Variants in TRAM1 observed in about 807,000 individuals in gnomAD.
TRAM1 encodes translocating chain-associated membrane protein 1.
TRAM1 carries 17 observed loss-of-function variants against 48.7 expected under a neutral mutation model. The observed-to-expected ratio is 0.35, with a 90% CI of 0.24 to 0.52. TRAM1 has a LOEUF of 0.52. TRAM1 is among the 20% of genes least tolerant of loss of function. TRAM1 has a pLI of 0.94. For synonymous variants in TRAM1, 182 were observed against 154.0 expected (o/e 1.18, Z -1.34); for missense variants, 351 against 441.5 (o/e 0.79, Z 1.84).
chr8:70,596,967 T>G (rs557790277), intron 4 of TRAM1, among the ~76,000 whole-genome samples: 2 of 152,220 alleles, frequency 1.3e-5, no homozygotes, highest in South Asian at 4.1e-4. Flanking sequence ...CTATAAAGTA[T>G]TATTAAAGCA....
intron 1 of TRAM1, among the ~76,000 whole-genome samples, chr8:70,600,428 T>A (rs1305499513): frequency 6.6e-6 from 1 of 152,120 alleles, no homozygotes; most frequent in Non-Finnish European, 1.5e-5. Context: ...AAATTTCAAG[T>A]GTAAATTAAT....
chr8:70,587,883 G>C (rs934954028), intron 6 of TRAM1, among the ~76,000 whole-genome samples: 1 of 151,930 alleles, frequency 6.6e-6, no homozygotes, highest in Non-Finnish European at 1.5e-5. Flanking sequence ...AGTTGAGCTG[G>C]TTATCTCAGA....
At chr8:70,606,334 G>T (rs28668160) in intron 1 of TRAM1, among the ~76,000 whole-genome samples, 2 of 152,082 alleles carry the variant, frequency 1.3e-5, no homozygotes, top group African/African-American at 4.8e-5. Context: ...GACCACAGGT[G>T]CGTGCTATCT....
rs1298219062 is a variant in TRAM1 at position 70,608,372 on chromosome 8, G to GT, written c.-174_-173insA. 11 of 501,730 alleles carry GT rather than the reference G, an allele frequency of 2.2e-5. No individual in the cohort carries two copies. The highest frequency in any genetic ancestry group is 9.2e-5 in the East Asian group (2 of 21,630). The allele number at this position is 501,730 out of a possible 1,614,324, so 31.1% of individuals were successfully genotyped here. A position where few individuals can be genotyped will look rare whatever the true frequency, so the allele number is the denominator to read the frequency against. The stretch of plus-strand genomic sequence containing the variant: ...GTACGCAGCCGCCGGGCCGCCCGGG[G>GT]GAAAAAAAAAAACACAACAGCTAGC... On this transcript the variant is annotated 5_prime_UTR_variant, in exon 1 of 11. Coordinates refer to ENST00000262213, the MANE Select transcript of TRAM1 (RefSeq NM_014294.6).
chr8:70,599,959 T>G, intron 2 of TRAM1, 60 bp downstream of exon 2: 1 of 1,388,840 alleles, frequency 7.2e-7, no homozygotes, highest in Non-Finnish European at 1.0e-6. Flanking sequence ...CATGAAAATT[T>G]CCAAGTTTGT....
At chr8:70,597,757 T>A in intron 4 of TRAM1, 138 bp downstream of exon 4, 1 of 404,156 alleles carries the variant, frequency 2.5e-6, no homozygotes. Flanking sequence ...ACAGTAAACA[T>A]AGTTTAGAAT....
chr8:70,576,346 G>A (rs1283612528), intron 10 of TRAM1, among the ~76,000 whole-genome samples: 1 of 152,056 alleles, frequency 6.6e-6, no homozygotes, highest in Non-Finnish European at 1.5e-5. Context: ...GACAAATGTT[G>A]GTTTTGACTG....
chr8:70,586,119 T>A (rs1191999890), intron 8 of TRAM1, among the ~76,000 whole-genome samples: 1 of 151,862 alleles, frequency 6.6e-6, no homozygotes. Flanking sequence ...TCATGTCCTT[T>A]GCAGGGACAT....
At position 70,607,968 on chromosome 8, in the gene TRAM1, C is replaced by T. The variant is rs1027383337; in HGVS notation, c.123+109G>A. 21 of 1,375,966 alleles carry T rather than the reference C, an allele frequency of 1.5e-5. No individual in the cohort carries two copies. In the African/African-American group the frequency reaches 3.2e-4, roughly 21 times the overall value. The allele number at this position is 1,375,966 out of a possible 1,614,324, so 85.2% of individuals were successfully genotyped here. ...AGGGACTGGGGGTCTGCACCCACCC[C>T]GGGCCCGAGCCCCCCGCGTCCTGGG... On this transcript the variant is annotated intron_variant, in intron 1 of 10. Coordinates refer to ENST00000262213, the MANE Select transcript of TRAM1 (RefSeq NM_014294.6).
chr8:70,593,833 G>A (rs1362127683), intron 6 of TRAM1, among the ~76,000 whole-genome samples: 1 of 152,070 alleles, frequency 6.6e-6, no homozygotes, highest in Non-Finnish European at 1.5e-5. Context: ...TAAAGTAATA[G>A]GGAGCCAATA....
chr8:70,575,268 T>C (rs1816921983), intron 10 of TRAM1, among the ~76,000 whole-genome samples: 2 of 152,186 alleles, frequency 1.3e-5, no homozygotes, highest in Non-Finnish European at 2.9e-5. Flanking sequence ...AATTTAAAAA[T>C]AGTATTCAAG....
chr8:70,604,458 A>G (rs1817677553), intron 1 of TRAM1, among the ~76,000 whole-genome samples: 1 of 152,130 alleles, frequency 6.6e-6, no homozygotes, highest in African/African-American at 2.4e-5. Flanking sequence ...GCGAGAGGGG[A>G]GGATCACTTG....
At chr8:70,580,682 T>C (rs1336294226) in intron 10 of TRAM1, among the ~76,000 whole-genome samples, 1 of 151,536 alleles carries the variant, frequency 6.6e-6, no homozygotes, top group Admixed American at 6.6e-5. Flanking sequence ...ATTCAACACC[T>C]GTTGTGGAGG....
chr8:70,579,309 GTATCTAAACA>G (rs539774850), intron 10 of TRAM1, among the ~76,000 whole-genome samples: 86 of 152,290 alleles, frequency 5.6e-4, no homozygotes, highest in Admixed American at 3.3e-3. Flanking sequence ...AACTATTTAT[GTATCTAAACA>G]TATCTAAACA....
chr8:70,599,328 A>G (rs1817557048), intron 2 of TRAM1, among the ~76,000 whole-genome samples: 1 of 152,292 alleles, frequency 6.6e-6, no homozygotes, highest in Middle Eastern at 3.4e-3. Flanking sequence ...GTGGTATACT[A>G]TATTATCTTA....
In TRAM1 at chr8:70,573,939, T is replaced by C; in HGVS notation, c.*993A>G. 1 of 175,408 alleles carries C rather than the reference T, an allele frequency of 5.7e-6. No homozygotes were observed. Among genetic ancestry groups the C allele is most frequent in the Middle Eastern group, 2.5e-3 (1 of 396 alleles). The allele number at this position is 175,408 out of a possible 1,614,324, so 10.9% of individuals were successfully genotyped here. On this transcript the variant is annotated 3_prime_UTR_variant, in exon 11 of 11. Coordinates refer to ENST00000262213, the MANE Select transcript of TRAM1 (RefSeq NM_014294.6). The stretch of plus-strand genomic sequence containing the variant: ...TTAAAGATGGGACCAAAGCTATAGG[T>C]ATAACATAAAGCACATTGTCTTTTG...
At chr8:70,585,747 G>A (rs1220914246) in intron 8 of TRAM1, among the ~76,000 whole-genome samples, 1 of 108,598 alleles carries the variant, frequency 9.2e-6, no homozygotes, top group East Asian at 2.4e-4. Context: ...AGTTAGGAAT[G>A]GTGATCATTA....
At chr8:70,608,055 T>G (rs770910523) in intron 1 of TRAM1, 22 bp downstream of exon 1, 1 of 1,570,682 alleles carries the variant, frequency 6.4e-7, no homozygotes, top group Admixed American at 1.8e-5. Flanking sequence ...GGGCAGGCGG[T>G]TGGGACTCGG....
chr8:70,604,140 G>A (rs560990649), intron 1 of TRAM1, among the ~76,000 whole-genome samples: 13 of 151,928 alleles, frequency 8.6e-5, no homozygotes, highest in Non-Finnish European at 1.8e-4. Flanking sequence ...TACAAAAATG[G>A]AAAAATGAAA....
Sources: allele counts gnomAD v4.1 joint callset (sites outside exome capture counted in the v4.1 genomes callset), GRCh38; gene constraint gnomAD v4.1.1; transcripts MANE v1.5; gene names NCBI Gene and HGNC (gene_info 2026-07-23, HGNC 2026-07-21).